Variants in ANKS3 observed in about 807,000 individuals in gnomAD.
The protein encoded by ANKS3 is ankyrin repeat and sterile alpha motif domain containing 3.
Under a neutral mutation model 80.7 loss-of-function variants are expected in ANKS3, and 62 were observed. The observed-to-expected ratio is 0.77, with a 90% CI of 0.63 to 0.95. The LOEUF (loss-of-function observed/expected upper bound fraction) is 0.95. Among genes scored for constraint, ANKS3 ranks in the 40% least tolerant of loss-of-function variants. The pLI, the probability that ANKS3 is intolerant of heterozygous loss-of-function variation, is 0.00. For missense variants in ANKS3, 1,150 were observed against 883.6 expected (o/e 1.30, Z -3.82); for synonymous variants, 489 against 355.3 (o/e 1.38, Z -4.23).
At chr16:4,725,025 T>C in intron 5 of ANKS3, 194 bp from the exon 6 acceptor site, 1 of 492,522 alleles carries the variant, frequency 2.0e-6, no homozygotes, top group East Asian at 3.4e-5. Flanking sequence ...TCTTCTGGTG[T>C]CTGTCCCCAG....
intron 9 of ANKS3, 49 bp from the exon 10 acceptor site, chr16:4,701,592 T>C (rs1445240207): frequency 1.9e-6 from 3 of 1,539,054 alleles, no homozygotes; most frequent in South Asian, 1.2e-5. Flanking sequence ...ACCGAGGTGC[T>C]GCGCATGGGC....
chr16:4,714,628 C>A (rs143319524), intron 6 of ANKS3, among the ~76,000 whole-genome samples: 25 of 152,342 alleles, frequency 1.6e-4, no homozygotes, highest in Admixed American at 4.6e-4. Flanking sequence ...ACAGGTCTTG[C>A]AGCGCAACAA....
intron 8 of ANKS3, among the ~76,000 whole-genome samples, chr16:4,703,728 T>C (rs1346274546): frequency 6.6e-6 from 1 of 152,212 alleles, no homozygotes; most frequent in African/African-American, 2.4e-5. Context: ...TCTTAATTAC[T>C]GGCAAATAAA....
chr16:4,697,453 T>A, intron 15 of ANKS3, 37 bp from the exon 16 acceptor site: 1 of 1,501,056 alleles, frequency 6.7e-7, no homozygotes, highest in Non-Finnish European at 9.0e-7. Flanking sequence ...TAGCTGGGGG[T>A]CTGCGTCCCC....
At chr16:4,701,566 T>TCCG (rs2079906840) in intron 9 of ANKS3, 23 bp from the exon 10 acceptor site, 1 of 1,592,020 alleles carries the variant, frequency 6.3e-7, no homozygotes, top group East Asian at 2.3e-5. Flanking sequence ...AGACAGGGCG[T>TCCG]CCGCCTGCAG....
chr16:4,722,957 A>G (rs1041981917), intron 6 of ANKS3, among the ~76,000 whole-genome samples: 13 of 151,998 alleles, frequency 8.6e-5, no homozygotes, highest in Non-Finnish European at 1.6e-4. Context: ...AAAAAATTTC[A>G]ACTACTCTAA....
intron 6 of ANKS3, among the ~76,000 whole-genome samples, chr16:4,720,162 A>C (rs1351211763): frequency 0.012 from 800 of 68,092 alleles, 4 homozygotes; most frequent in African/African-American, 0.049. Context: ...ACCCCACCCC[A>C]AAAAAAAAAA....
chr16:4,698,166 C>T (rs2079683259), intron 14 of ANKS3, 104 bp from the exon 15 acceptor site: 4 of 1,350,840 alleles, frequency 3.0e-6, no homozygotes, highest in East Asian at 5.0e-5. Context: ...CCTGTCCTTG[C>T]AGCTGGCCCT....
rs756313168 is a variant in ANKS3, at chr16:4,727,082, A to G, written c.266T>C (p.Leu89Pro). The change falls in exon 4 of 18, where the codon CTT (leucine) becomes CCT (proline). Residue 89 changes from leucine to proline, a missense_variant. Transcript: ENST00000304283. The part of the protein sequence containing the change: ...IGHDTIVHLL[L>P]EAGVSVNVPT... ...CACATTCACACTCACCCCCGCCTCA[A>G]GCAGCAGGTGCACGATTGTGTCGTG... 6.2e-7 allele frequency: 1 copy of G among 1,614,204 alleles called. No individual in the cohort carries two copies. The highest frequency in any genetic ancestry group is 8.5e-7 in the Non-Finnish European group (1 of 1,180,044).
In ANKS3 at chr16:4,714,081, A is replaced by C. The variant is rs200812224; in HGVS notation, c.679T>G (p.Ser227Ala). 3.0e-5 allele frequency: 48 copies of C among 1,614,108 alleles called. 1 individual carries two copies. In the Admixed American group the frequency reaches 5.2e-4, roughly 17 times the overall value. Residue 227 changes from serine (S) to alanine (A), a missense_variant, in exon 7 of 18, where the codon TCT becomes GCT. Transcript: ENST00000304283. ...IVALMDTYSPSLPKSLYRSPE... is the reference protein window; with the variant it reads ...IVALMDTYSPALPKSLYRSPE... ...CTCCGATAGAGGCTCTTGGGCAGAG[A>C]GGGCGAGTAAGTGTCCATCAAGGCC...
At chr16:4,718,622 G>A (rs912091074) in intron 6 of ANKS3, among the ~76,000 whole-genome samples, 2 of 152,246 alleles carry the variant, frequency 1.3e-5, no homozygotes, top group African/African-American at 4.8e-5. Flanking sequence ...TCTGGCTCCA[G>A]GTGGTCTAAC....
At position 4,697,623 on chromosome 16, in the gene ANKS3, G is replaced by A. The variant is rs79846174; in HGVS notation, c.1811-207C>T. Among the ~76,000 whole-genome samples, 1,215 of 152,348 alleles carry A rather than the reference G, an allele frequency of 8.0e-3. 19 individuals carry two copies. The highest frequency in any genetic ancestry group is 0.024 in the African/African-American group (1,010 of 41,584). On this transcript the variant is annotated intron_variant, in intron 15 of 17. Transcript: ENST00000304283. Reference sequence around the variant, plus strand: ...AGGCTGAGCAAACACTACGAGGCCCGGGTCAGCCCGAGAGAAGGCAAAGCT... The same window carrying A: ...AGGCTGAGCAAACACTACGAGGCCCAGGTCAGCCCGAGAGAAGGCAAAGCT...
chr16:4,699,120 C>G lies in ANKS3; in HGVS notation c.1341G>C (p.Glu447Asp). ...IGCLKYLQVF[E>D]EQDVDLRIFL... The stretch of plus-strand genomic sequence containing the variant: ...AGATGCGGAGGTCCACGTCCTGCTC[C>G]TCAAACACCTGCAGGTACTTCAGAC... Residue 447 changes from glutamate to aspartate, a missense_variant, in exon 12 of 18, where the codon GAG becomes GAC. Transcript: ENST00000304283. 1 of 1,614,186 alleles carries G rather than the reference C, an allele frequency of 6.2e-7. No homozygotes were observed. Among genetic ancestry groups the G allele is most frequent in the South Asian group, 1.1e-5 (1 of 91,088 alleles).
In ANKS3 at chr16:4,730,172, G is replaced by A. The variant is rs370027114; in HGVS notation, c.-2-21C>T. 14 of 1,479,024 alleles carry A rather than the reference G, an allele frequency of 9.5e-6. No homozygotes were observed. In the East Asian group the frequency reaches 1.3e-4, roughly 13 times the overall value. The allele number at this position is 1,479,024 out of a possible 1,614,324, so 91.6% of individuals were successfully genotyped here. A position where few individuals can be genotyped will look rare whatever the true frequency, so the allele number is the denominator to read the frequency against. On this transcript the variant is annotated intron_variant, in intron 2 of 17. Coordinates refer to ENST00000304283, the MANE Select transcript of ANKS3 (RefSeq NM_133450.4). ...CATCACTGAGGAGGAAGGCCCAAGGGTTAGATCTTTCCTGGCTGGTTGTTC... is the reference window on the plus strand; with the variant it reads ...CATCACTGAGGAGGAAGGCCCAAGGATTAGATCTTTCCTGGCTGGTTGTTC...
At chr16:4,712,052 C>A (rs1221841807) in intron 7 of ANKS3, among the ~76,000 whole-genome samples, 1 of 152,156 alleles carries the variant, frequency 6.6e-6, no homozygotes, top group Non-Finnish European at 1.5e-5. Flanking sequence ...GATACCCATA[C>A]CTGATAGACA....
At chr16:4,717,926 G>C (rs549721594) in intron 6 of ANKS3, among the ~76,000 whole-genome samples, 1 of 152,202 alleles carries the variant, frequency 6.6e-6, no homozygotes, top group East Asian at 1.9e-4. Context: ...CTCCCAAGTA[G>C]CTGGGACTAC....
chr16:4,723,906 A>C (rs1323647082), intron 6 of ANKS3, among the ~76,000 whole-genome samples: 1 of 151,984 alleles, frequency 6.6e-6, no homozygotes, highest in East Asian at 1.9e-4. Flanking sequence ...AAAAAAATTA[A>C]ATAATTAGCC....
At chr16:4,731,275 G>A (rs2081602471) in intron 2 of ANKS3, among the ~76,000 whole-genome samples, 1 of 152,126 alleles carries the variant, frequency 6.6e-6, no homozygotes, top group Admixed American at 6.6e-5. Flanking sequence ...GAATTTTACT[G>A]TATGTAAATT....
intron 14 of ANKS3, 31 bp downstream of exon 14, chr16:4,698,396 A>T (rs765065538): frequency 2.1e-6 from 3 of 1,455,708 alleles, no homozygotes; most frequent in Non-Finnish European, 2.7e-6. Context: ...ACCACTGGAG[A>T]CCCAGCCCAG....
Sources: allele counts gnomAD v4.1 joint callset (sites outside exome capture counted in the v4.1 genomes callset), GRCh38; gene constraint gnomAD v4.1.1; transcripts MANE v1.5; gene names NCBI Gene and HGNC (gene_info 2026-07-23, HGNC 2026-07-21).